SRPK2: variants seen among roughly 807,000 people sequenced by gnomAD.
SRPK2 encodes SRSF protein kinase 2.
A neutral mutation model predicts 90.8 loss-of-function variants in SRPK2; 21 were observed. The observed-to-expected ratio is 0.23, with a 90% CI of 0.16 to 0.33. The LOEUF (loss-of-function observed/expected upper bound fraction) is 0.33, where lower values mean the gene tolerates loss of function less well. SRPK2 is among the 10% of genes least tolerant of loss of function. The pLI, the probability that SRPK2 is intolerant of heterozygous loss-of-function variation, is 1.00. For synonymous variants in SRPK2, 288 were observed against 311.1 expected, an observed-to-expected ratio of 0.93 and a Z score of 0.78; for missense variants, 620 against 869.0, an observed-to-expected ratio of 0.71 and a Z score of 3.60.
chr7:105,281,770 T>C lies in SRPK2; in HGVS notation c.72-77985A>G, dbSNP rs144149292. On this transcript the variant is annotated intron_variant, in intron 2 of 15. Transcript: ENST00000393651. ...AATTCAACCAAGGAAGTACAAGGCT[T>C]GTACACTGAAAACTATAGAACACTG... 2.8e-3 allele frequency among the ~76,000 whole-genome samples: 429 copies of C among 152,084 alleles called. 11 individuals carry two copies. In the East Asian group the frequency reaches 0.055, roughly 19 times the overall value.
intron 2 of SRPK2, among the ~76,000 whole-genome samples, chr7:105,280,442 A>C (rs572301118): frequency 2.6e-5 from 4 of 151,926 alleles, no homozygotes; most frequent in Admixed American, 6.6e-5. Flanking sequence ...AAAAGTCAAA[A>C]ATTAAGATGT....
chr7:105,197,728 C>T lies in SRPK2; in HGVS notation c.229+5900G>A, dbSNP rs140898008. Among the ~76,000 whole-genome samples the T allele has an allele frequency of 5.3e-5, 8 of 152,164 alleles. No homozygotes were observed. In the East Asian group the frequency reaches 9.6e-4, roughly 18 times the overall value. On this transcript the variant is annotated intron_variant, in intron 3 of 15. Coordinates refer to ENST00000393651, the MANE Select transcript of SRPK2 (RefSeq NM_182692.3). Reference sequence around the variant, plus strand: ...AAGTTGGGGATGCGGGGGACAATACCGTGGGTAATAAAGGAAAGGGTCTGA... The same window carrying T: ...AAGTTGGGGATGCGGGGGACAATACTGTGGGTAATAAAGGAAAGGGTCTGA...
chr7:105,142,935 TA>T (rs1420680085), intron 10 of SRPK2, 148 bp downstream of exon 10: 33 of 1,018,292 alleles, frequency 3.2e-5, no homozygotes, highest in Non-Finnish European at 4.6e-5. Context: ...AGTACGAGGC[TA>T]TTTCCCATAT....
chr7:105,122,817 G>GCA (rs1562952465), intron 15 of SRPK2, among the ~76,000 whole-genome samples: 1 of 151,102 alleles, frequency 6.6e-6, no homozygotes, highest in Non-Finnish European at 1.5e-5. Flanking sequence ...ACACGCGCGC[G>GCA]CACACATGCA....
chr7:105,204,195 C>A (rs1475544703), intron 2 of SRPK2, among the ~76,000 whole-genome samples: 1 of 152,208 alleles, frequency 6.6e-6, no homozygotes, highest in Non-Finnish European at 1.5e-5. Flanking sequence ...AAGCAGCACT[C>A]AACTTTTGAA....
At chr7:105,213,081 G>A (rs948552382) in intron 2 of SRPK2, among the ~76,000 whole-genome samples, 36 of 152,114 alleles carry the variant, frequency 2.4e-4, no homozygotes, top group Non-Finnish European at 2.1e-4. Flanking sequence ...TTTGGTATCC[G>A]AATGGGATCC....
upstream of SRPK2, among the ~76,000 whole-genome samples, chr7:105,390,687 G>C (rs989460647): frequency 2.8e-5 from 4 of 145,424 alleles, no homozygotes; most frequent in Non-Finnish European, 5.9e-5. Context: ...TCCTGACCTC[G>C]GGTCATCCAC....
At chr7:105,338,080 T>TG (rs554705255) in intron 2 of SRPK2, among the ~76,000 whole-genome samples, 1 of 140,392 alleles carries the variant, frequency 7.1e-6, no homozygotes, top group Non-Finnish European at 1.5e-5. Context: ...GAAAGAATAT[T>TG]AAAAAAAAAA....
chr7:105,386,435 C>A (rs573238964), intron 2 of SRPK2, among the ~76,000 whole-genome samples: 2 of 151,952 alleles, frequency 1.3e-5, no homozygotes, highest in Non-Finnish European at 2.9e-5. Flanking sequence ...TGATTCAGGT[C>A]GGGCACGGTG....
chr7:105,182,470 G>A (rs558582819), intron 3 of SRPK2, among the ~76,000 whole-genome samples: 46 of 55,548 alleles, frequency 8.3e-4, no homozygotes, highest in Non-Finnish European at 1.4e-3. Flanking sequence ...TTTTTTTTTT[G>A]AGATGGAGTC....
chr7:105,183,623 A>G (rs1357654796), intron 3 of SRPK2, among the ~76,000 whole-genome samples: 1 of 152,076 alleles, frequency 6.6e-6, no homozygotes, highest in African/African-American at 2.4e-5. Context: ...AGTAGCTAGG[A>G]GTACAGGCAT....
chr7:105,379,212 G>C (rs1820658270), intron 2 of SRPK2, among the ~76,000 whole-genome samples: 1 of 151,494 alleles, frequency 6.6e-6, no homozygotes, highest in Admixed American at 6.6e-5. Context: ...GCATCCATAG[G>C]TTCAACCAAT....
chr7:105,308,013 G>C (rs1811327042), intron 2 of SRPK2, among the ~76,000 whole-genome samples: 1 of 152,128 alleles, frequency 6.6e-6, no homozygotes. Flanking sequence ...TTTTTGCAAA[G>C]TGCTTGGCAA....
intron 2 of SRPK2, chr7:105,244,662 G>T (rs1443053866): frequency 2.0e-5 from 19 of 960,958 alleles, no homozygotes; most frequent in Non-Finnish European, 3.0e-5. Flanking sequence ...CTGGCTCTGC[G>T]CTACCCTATG....
intron 13 of SRPK2, among the ~76,000 whole-genome samples, chr7:105,130,807 A>T (rs567301463): frequency 6.6e-6 from 1 of 151,930 alleles, no homozygotes; most frequent in South Asian, 2.1e-4. Context: ...CCTTTCCAAA[A>T]AAAAAAAAAC....
intron 2 of SRPK2, among the ~76,000 whole-genome samples, chr7:105,300,153 T>C (rs1181723504): frequency 6.9e-6 from 1 of 144,054 alleles, no homozygotes; most frequent in Non-Finnish European, 1.5e-5. Context: ...CTCAGGAGGG[T>C]GAGACAGGAG....
intron 8 of SRPK2, 59 bp from the exon 9 acceptor site, chr7:105,145,367 A>T: frequency 7.7e-7 from 1 of 1,306,250 alleles, no homozygotes; most frequent in Non-Finnish European, 1.1e-6. Context: ...GCCTTCATGT[A>T]GGTCATTCGA....
intron 2 of SRPK2, among the ~76,000 whole-genome samples, chr7:105,284,061 GTTTT>G (rs1012664056): frequency 2.0e-5 from 3 of 151,682 alleles, no homozygotes; most frequent in East Asian, 3.9e-4. Context: ...TTTTTTGTTT[GTTTT>G]TTTTGTTTGT....
intron 1 of SRPK2, among the ~76,000 whole-genome samples, chr7:105,396,192 G>A (rs1486249323): frequency 6.6e-6 from 1 of 151,998 alleles, no homozygotes; most frequent in Non-Finnish European, 1.5e-5. Flanking sequence ...TGGGATTACA[G>A]GCATGAGCCA....
Sources: allele counts gnomAD v4.1 joint callset (sites outside exome capture counted in the v4.1 genomes callset), GRCh38; gene constraint gnomAD v4.1.1; transcripts MANE v1.5; gene names NCBI Gene and HGNC (gene_info 2026-07-23, HGNC 2026-07-21).